SEH1L: variants seen among roughly 807,000 people sequenced by gnomAD.
SEH1L encodes the protein SEH1 like nucleoporin, also known as nucleoporin SEH1.
A neutral mutation model predicts 49.5 loss-of-function variants in SEH1L; 18 were observed. The observed-to-expected ratio is 0.36, with a 90% CI of 0.25 to 0.54. The LOEUF (loss-of-function observed/expected upper bound fraction) is 0.54, where lower values mean the gene tolerates loss of function less well. Among genes scored for constraint, SEH1L ranks in the 20% least tolerant of loss-of-function variants. The pLI, the probability that SEH1L is intolerant of heterozygous loss-of-function variation, is 0.87. For synonymous variants in SEH1L, 169 were observed against 178.1 expected (o/e 0.95, Z 0.41); for missense variants, 404 against 528.8 (o/e 0.76, Z 2.31).
At chr18:12,961,005 A>C (rs2031148204) in intron 3 of SEH1L, among the ~76,000 whole-genome samples, 1 of 152,316 alleles carries the variant, frequency 6.6e-6, no homozygotes, top group East Asian at 1.9e-4. Context: ...GAGAGAGTCA[A>C]ATGCATGGTT....
At position 12,955,413 on chromosome 18, in the gene SEH1L, C is replaced by A. The variant is rs369195911; in HGVS notation, c.163-50C>A. The A allele has an allele frequency of 1.1e-4, 162 of 1,528,082 alleles. No individual in the cohort carries two copies. In the African/African-American group the frequency reaches 1.9e-3, roughly 18 times the overall value. 94.7% of individuals were successfully genotyped at this position (1,528,082 alleles called of 1,614,324 possible). ...AATAAGTATTTAGGAAAAAAGAAGC[C>A]CTGGGATAATGAGTATCTGTTCTTT... On this transcript the variant is annotated intron_variant, in intron 2 of 8. Transcript: ENST00000399892.
chr18:12,967,651 C>T (rs8083401), intron 4 of SEH1L, among the ~76,000 whole-genome samples: 53,865 of 152,064 alleles, frequency 0.35, 9,951 homozygotes, highest in Middle Eastern at 0.47. Flanking sequence ...CAGTGGCTCA[C>T]GCCTGTTATC....
At chr18:12,953,690 A>C (rs1351859530) in intron 2 of SEH1L, among the ~76,000 whole-genome samples, 1 of 152,192 alleles carries the variant, frequency 6.6e-6, no homozygotes, top group East Asian at 1.9e-4. Context: ...TAACTTATAA[A>C]ATTAATAATT....
intron 2 of SEH1L, 31 bp downstream of exon 2, chr18:12,951,936 TACAG>T: frequency 8.2e-7 from 1 of 1,212,672 alleles, no homozygotes; most frequent in Non-Finnish European, 1.2e-6. Context: ...TTATTAAAAA[TACAG>T]AAATATTTAC....
chr18:12,980,315 C>T (rs1347645639), intron 6 of SEH1L, among the ~76,000 whole-genome samples: 8 of 122,738 alleles, frequency 6.5e-5, no homozygotes, highest in East Asian at 3.4e-4. Flanking sequence ...CCAGTAGGGG[C>T]GGCCGGGCAG....
chr18:12,986,401 A>T (rs977382287), intron 8 of SEH1L: 1 of 985,622 alleles, frequency 1.0e-6, no homozygotes, highest in Non-Finnish European at 1.2e-6. Context: ...AGCCAGCCAT[A>T]CTATGTGTAT....
At chr18:12,950,978 T>C (rs1304905195) in intron 1 of SEH1L, among the ~76,000 whole-genome samples, 2 of 152,170 alleles carry the variant, frequency 1.3e-5, no homozygotes, top group African/African-American at 4.8e-5. Context: ...TGCACCACCA[T>C]GCCTGGTTTC....
intron 8 of SEH1L, chr18:12,985,989 A>G (rs1038587412): frequency 3.3e-6 from 3 of 903,812 alleles, no homozygotes; most frequent in African/African-American, 3.6e-5. Context: ...AATGTTTCTT[A>G]TATACATTTG....
chr18:12,974,777 A>G (rs2031847689), intron 5 of SEH1L, among the ~76,000 whole-genome samples: 1 of 152,212 alleles, frequency 6.6e-6, no homozygotes, highest in South Asian at 2.1e-4. Flanking sequence ...GAATCCTACC[A>G]ACCACCTTGT....
At chr18:12,977,825 C>G (rs2031989245) in intron 5 of SEH1L, 1 of 152,126 alleles carries the variant, frequency 6.6e-6, no homozygotes, top group South Asian at 2.1e-4. Flanking sequence ...ATAAATCAAG[C>G]CCTTTTTTAT....
rs1482311060 is a variant in SEH1L, at chr18:12,969,654, C to T, written c.522-1499C>T. On this transcript the variant is annotated intron_variant, in intron 4 of 8. Coordinates refer to ENST00000399892, the MANE Select transcript of SEH1L (RefSeq NM_001013437.2). ...AGTAAACCAAGATCATGCCACTGCA[C>T]TCCAGCCTGGCGACAGAGTGAGACT... Among the ~76,000 whole-genome samples, 3 of 151,376 alleles carry T rather than the reference C, an allele frequency of 2.0e-5. No individual in the cohort carries two copies. The East Asian group carries it at 5.8e-4, about 29-fold the overall frequency.
chr18:12,985,433 A>G, intron 8 of SEH1L: 1 of 1,326,226 alleles, frequency 7.5e-7, no homozygotes, highest in East Asian at 2.9e-5. Flanking sequence ...TATTTTTTGT[A>G]CTAGTCAGTT....
intron 1 of SEH1L, among the ~76,000 whole-genome samples, chr18:12,949,849 A>G (rs1376188641): frequency 6.6e-6 from 1 of 151,970 alleles, no homozygotes; most frequent in Admixed American, 6.6e-5. Context: ...GAACCTTTTC[A>G]TCATCCTAAA....
intron 1 of SEH1L, 155 bp downstream of exon 1, chr18:12,948,387 C>G (rs1366043719): frequency 1.8e-6 from 1 of 555,348 alleles, no homozygotes; most frequent in Non-Finnish European, 3.1e-6. Flanking sequence ...GAAGCCCTCC[C>G]CGCCCGCGTA....
intron 5 of SEH1L, chr18:12,973,195 ATTT>A (rs1422594452): frequency 6.6e-6 from 1 of 152,190 alleles, no homozygotes; most frequent in African/African-American, 2.4e-5. Context: ...TCAAAAAAAG[ATTT>A]TTTTCTAAAA....
chr18:12,968,765 A>G (rs956242364), intron 4 of SEH1L, among the ~76,000 whole-genome samples: 8 of 152,186 alleles, frequency 5.3e-5, no homozygotes, highest in Admixed American at 1.3e-4. Context: ...TGATCTGTCT[A>G]CACTATTCAG....
intron 7 of SEH1L, among the ~76,000 whole-genome samples, chr18:12,983,520 G>T (rs1024523047): frequency 3.2e-4 from 49 of 152,104 alleles, no homozygotes; most frequent in African/African-American, 1.2e-3. Flanking sequence ...ATTTTCTTGG[G>T]CTCATTGTCT....
chr18:12,966,328 G>A (rs945952736), intron 4 of SEH1L, among the ~76,000 whole-genome samples: 1 of 152,134 alleles, frequency 6.6e-6, no homozygotes, highest in African/African-American at 2.4e-5. Context: ...CTGAGCTCAG[G>A]TGATTTGCCG....
chr18:12,963,130 T>C (rs1281564238), intron 3 of SEH1L, 30 bp from the exon 4 acceptor site: 1 of 1,500,084 alleles, frequency 6.7e-7, no homozygotes, highest in South Asian at 1.2e-5. Context: ...TTTTTGTATA[T>C]AATTTAAATT....
Sources: allele counts gnomAD v4.1 joint callset (sites outside exome capture counted in the v4.1 genomes callset), GRCh38; gene constraint gnomAD v4.1.1; transcripts MANE v1.5; gene names NCBI Gene and HGNC (gene_info 2026-07-23, HGNC 2026-07-21).